Variants in RASSF5 observed in about 807,000 individuals in gnomAD.
RASSF5 encodes the protein ras association domain-containing protein 5.
In RASSF5, 25 loss-of-function variants were observed where a neutral mutation model predicts 40.5. The observed-to-expected ratio is 0.62, with a 90% CI of 0.45 to 0.86. The LOEUF (loss-of-function observed/expected upper bound fraction) is 0.86, where lower values mean the gene tolerates loss of function less well. Ranked by LOEUF, RASSF5 falls within the 40% of genes least tolerant of loss-of-function variation. RASSF5 has a pLI of 0.00. For synonymous variants in RASSF5, 246 were observed against 252.4 expected (o/e 0.97, Z 0.24); for missense variants, 521 against 572.8 (o/e 0.91, Z 0.92).
intron 1 of RASSF5, among the ~76,000 whole-genome samples, chr1:206,526,898 G>A (rs1415535095): frequency 2.0e-5 from 3 of 152,146 alleles, no homozygotes; most frequent in African/African-American, 7.2e-5. Flanking sequence ...CATTTATTGA[G>A]CACCTACCAT....
intron 1 of RASSF5, among the ~76,000 whole-genome samples, chr1:206,519,377 A>G (rs1666845339): frequency 6.6e-6 from 1 of 152,208 alleles, no homozygotes; most frequent in Non-Finnish European, 1.5e-5. Context: ...ACACTTCTGT[A>G]GCACTCTCTG....
intron 1 of RASSF5, among the ~76,000 whole-genome samples, chr1:206,530,433 AT>A (rs1667208900): frequency 6.6e-6 from 1 of 152,182 alleles, no homozygotes; most frequent in African/African-American, 2.4e-5. Context: ...TATTGCTAGC[AT>A]TTTGTTGTCA....
chr1:206,518,574 C>T lies in RASSF5; in HGVS notation c.457+10515C>T, dbSNP rs186321090. On this transcript the variant is annotated intron_variant, in intron 1 of 5. Transcript: ENST00000579436. ...GTCTAAGCCAATCTGACTGGGGGAG[C>T]TTGGGTTCTGAGGCCTCTGCTACTG... is the stretch of plus-strand genomic sequence containing the variant. The T allele has an allele frequency of 4.2e-3, 1,678 of 398,190 alleles. 17 individuals carry two copies. The highest frequency in any genetic ancestry group is 4.2e-3 in the Non-Finnish European group (951 of 225,940). 24.7% of individuals were successfully genotyped at this position (398,190 alleles called of 1,614,324 possible).
intron 2 of RASSF5, among the ~76,000 whole-genome samples, chr1:206,580,538 G>A (rs186222737): frequency 6.6e-6 from 1 of 152,296 alleles, no homozygotes; most frequent in East Asian, 1.9e-4. Flanking sequence ...CCATAGACAT[G>A]TGCTCAGCTG....
rs987406702 is a variant in RASSF5 at position 206,540,571 on chromosome 1, T to C, written c.579+2278T>C. The stretch of plus-strand genomic sequence containing the variant: ...GATCAGGCTGCTGCTGTATTTGCCT[T>C]GGACAGGCCTGCCTGCATGCTTCAG... On this transcript the variant is annotated intron_variant, in intron 2 of 5. Coordinates refer to ENST00000579436, the MANE Select transcript of RASSF5 (RefSeq NM_182663.4). Among the ~76,000 whole-genome samples the C allele has an allele frequency of 3.9e-5, 6 of 152,272 alleles. No homozygotes were observed. In the South Asian group the frequency reaches 1.0e-3, roughly 26 times the overall value.
At chr1:206,585,454 T>C in intron 5 of RASSF5, 159 bp downstream of exon 5, 1 of 606,722 alleles carries the variant, frequency 1.6e-6, no homozygotes, top group East Asian at 2.8e-5. Context: ...GGCCTGGGGG[T>C]CAGTGTTTCA....
chr1:206,532,705 A>G (rs1216438023), intron 1 of RASSF5, among the ~76,000 whole-genome samples: 1 of 152,208 alleles, frequency 6.6e-6, no homozygotes, highest in African/African-American at 2.4e-5. Context: ...GGGATTGACC[A>G]TAGGGGAGGC....
chr1:206,550,649 T>C (rs1043338691), intron 2 of RASSF5, among the ~76,000 whole-genome samples: 1 of 152,222 alleles, frequency 6.6e-6, no homozygotes, highest in African/African-American at 2.4e-5. Flanking sequence ...GAACCTTGTT[T>C]GTTTACCAGT....
At chr1:206,523,632 A>C (rs1666982284) in intron 1 of RASSF5, among the ~76,000 whole-genome samples, 1 of 103,068 alleles carries the variant, frequency 9.7e-6, no homozygotes, top group Non-Finnish European at 1.8e-5. Flanking sequence ...TATATAAAAT[A>C]TATTATATAT....
At chr1:206,547,203 T>A (rs1553400320) in intron 2 of RASSF5, among the ~76,000 whole-genome samples, 1 of 152,244 alleles carries the variant, frequency 6.6e-6, no homozygotes, top group Non-Finnish European at 1.5e-5. Flanking sequence ...ATTCTTGTCC[T>A]GTATTTTATT....
rs1337037439 is a variant in RASSF5 at position 206,589,137 on chromosome 1, G to C, written c.*2159G>C. The C allele has an allele frequency of 1.3e-5, 2 of 152,844 alleles. No homozygotes were observed. Among genetic ancestry groups the C allele is most frequent in the East Asian group, 1.9e-4 (1 of 5,324 alleles). The allele number at this position is 152,844 out of a possible 1,614,324, so 9.5% of individuals were successfully genotyped here. A position where few individuals can be genotyped will look rare whatever the true frequency, so the allele number is the denominator to read the frequency against. On this transcript the variant is annotated 3_prime_UTR_variant, in exon 6 of 6. Transcript: ENST00000579436. Reference sequence around the variant, plus strand: ...TATCGAGTACCCGTTCCCTCCCAGAGGTGGGAGTAACTGCTGGTAGTGCCT... The same window carrying C: ...TATCGAGTACCCGTTCCCTCCCAGACGTGGGAGTAACTGCTGGTAGTGCCT...
At chr1:206,575,453 G>A (rs79183123) in intron 2 of RASSF5, among the ~76,000 whole-genome samples, 4 of 152,148 alleles carry the variant, frequency 2.6e-5, no homozygotes, top group Non-Finnish European at 4.4e-5. Context: ...TGCGTAGACC[G>A]GCTTGGGCTT....
chr1:206,524,457 T>G (rs1344863524), intron 1 of RASSF5, among the ~76,000 whole-genome samples: 1 of 137,684 alleles, frequency 7.3e-6, no homozygotes, highest in African/African-American at 2.8e-5. Context: ...TTTCTATATA[T>G]TATATATATA....
rs903983184 is a variant in RASSF5, at chr1:206,539,375, T to C, written c.579+1082T>C. ...TATACTGGGGGACCCAGGTGCTGGATGGGAGACTCACGAGCAGCCCCCCGG... is the reference window on the plus strand; with the variant it reads ...TATACTGGGGGACCCAGGTGCTGGACGGGAGACTCACGAGCAGCCCCCCGG... On this transcript the variant is annotated intron_variant, in intron 2 of 5. Coordinates refer to ENST00000579436, the MANE Select transcript of RASSF5 (RefSeq NM_182663.4). 2.0e-5 allele frequency among the ~76,000 whole-genome samples: 3 copies of C among 152,250 alleles called. No individual in the cohort carries two copies. The East Asian group carries it at 5.8e-4, about 29-fold the overall frequency.
At chr1:206,550,748 C>T (rs1667817711) in intron 2 of RASSF5, among the ~76,000 whole-genome samples, 1 of 152,236 alleles carries the variant, frequency 6.6e-6, no homozygotes, top group Non-Finnish European at 1.5e-5. Flanking sequence ...TTAGAGCCTT[C>T]AGCCCAGCAG....
At chr1:206,528,320 T>A (rs1355709680) in intron 1 of RASSF5, among the ~76,000 whole-genome samples, 1 of 152,168 alleles carries the variant, frequency 6.6e-6, no homozygotes, top group Non-Finnish European at 1.5e-5. Context: ...ATTGGCTACG[T>A]ATCTTATGAT....
intron 1 of RASSF5, among the ~76,000 whole-genome samples, chr1:206,526,023 T>C (rs1303679075): frequency 6.6e-6 from 1 of 152,166 alleles, no homozygotes; most frequent in Non-Finnish European, 1.5e-5. Flanking sequence ...TGGAGGAACC[T>C]GCTTCCATAA....
intron 1 of RASSF5, among the ~76,000 whole-genome samples, chr1:206,523,335 ATTTATATATTATATAT>A (rs1361740945): frequency 7.6e-6 from 1 of 132,370 alleles, no homozygotes; most frequent in South Asian, 2.1e-4. Flanking sequence ...TATAAAATAT[ATTTATATATTATATAT>A]TTTATATATT....
chr1:206,578,839 C>T (rs1367642043), intron 2 of RASSF5, among the ~76,000 whole-genome samples: 1 of 152,088 alleles, frequency 6.6e-6, no homozygotes, highest in Non-Finnish European at 1.5e-5. Flanking sequence ...ACTCTCCAGT[C>T]ACCAAAATTA....
Sources: gnomAD v4.1 joint callset for allele counts (sites outside exome capture counted in the v4.1 genomes callset) on GRCh38, gnomAD v4.1.1 for gene constraint, MANE v1.5 for transcripts, NCBI Gene and HGNC (gene_info 2026-07-23, HGNC 2026-07-21) for gene names.